The following PTPRK variants were observed in gnomAD, a reference collection of about 807,000 sequenced individuals.
The protein encoded by PTPRK is receptor-type tyrosine-protein phosphatase kappa.
In PTPRK, 75 loss-of-function variants were observed where a neutral mutation model predicts 178.0. That is an observed-to-expected ratio of 0.42 (90% CI 0.35 to 0.51). The LOEUF (loss-of-function observed/expected upper bound fraction) is 0.51, where lower values mean the gene tolerates loss of function less well. Ranked by LOEUF, PTPRK falls within the 20% of genes least tolerant of loss-of-function variation. The pLI, the probability that PTPRK is intolerant of heterozygous loss-of-function variation, is 0.02. For synonymous variants in PTPRK, 637 were observed against 620.6 expected (o/e 1.03, Z -0.39); for missense variants, 1,441 against 1,797.8 (o/e 0.80, Z 3.59).
At chr6:128,272,969 T>A (rs1820101586) in intron 3 of PTPRK, among the ~76,000 whole-genome samples, 1 of 152,204 alleles carries the variant, frequency 6.6e-6, no homozygotes, top group Admixed American at 6.5e-5. Flanking sequence ...CAAATGTCCA[T>A]CAATGATAGA....
chr6:128,115,211 T>G (rs1188751073), intron 7 of PTPRK, among the ~76,000 whole-genome samples: 1 of 152,156 alleles, frequency 6.6e-6, no homozygotes, highest in Non-Finnish European at 1.5e-5. Flanking sequence ...CATACCTGAC[T>G]GGACACAGTC....
At chr6:128,168,424 A>G (rs1374649057) in intron 7 of PTPRK, among the ~76,000 whole-genome samples, 1 of 152,068 alleles carries the variant, frequency 6.6e-6, no homozygotes, top group African/African-American at 2.4e-5. Context: ...TTGTGGAGAT[A>G]TCTGTACTCC....
chr6:128,261,726 C>T (rs1262802046), intron 3 of PTPRK, among the ~76,000 whole-genome samples: 1 of 149,190 alleles, frequency 6.7e-6, no homozygotes, highest in Non-Finnish European at 1.5e-5. Flanking sequence ...TTAATAATTG[C>T]ATCTGGCTAG....
chr6:128,238,185 C>CAAAAAAAAAAAAAAAA (rs58051125), intron 5 of PTPRK: 115 of 206,298 alleles, frequency 5.6e-4, no homozygotes, highest in South Asian at 8.8e-4. Context: ...TAGCAAACGC[C>CAAAAAAAAAAAAAAAA]AAAAAAAAAA....
chr6:128,193,141 G>A (rs1045348393), intron 6 of PTPRK, among the ~76,000 whole-genome samples: 13 of 151,876 alleles, frequency 8.6e-5, no homozygotes, highest in African/African-American at 2.4e-4. Flanking sequence ...GATGTAGCAA[G>A]CCAAATGCCC....
intron 1 of PTPRK, among the ~76,000 whole-genome samples, chr6:128,509,217 C>T (rs1856818746): frequency 6.6e-6 from 1 of 152,094 alleles, no homozygotes; most frequent in African/African-American, 2.4e-5. Flanking sequence ...CAGACGTCTA[C>T]CGGGCACCTT....
intron 1 of PTPRK, among the ~76,000 whole-genome samples, chr6:128,515,142 T>C (rs1400441904): frequency 2.0e-5 from 3 of 152,184 alleles, no homozygotes; most frequent in Non-Finnish European, 4.4e-5. Flanking sequence ...ATCTCACTTA[T>C]CTCAAAATAT....
Position 128,280,245 on chromosome 6 carries a change from C to T in PTPRK, c.496-37643G>A, listed in dbSNP as rs1195911105. On this transcript the variant is annotated intron_variant, in intron 3 of 29. Coordinates refer to ENST00000368226, the MANE Select transcript of PTPRK (RefSeq NM_002844.4). Reference sequence around the variant, plus strand: ...AACCAGGTATCCTACGCCAGACTCTCCTCAGGACCTGTAAAGTTAGGGACA... The same window carrying T: ...AACCAGGTATCCTACGCCAGACTCTTCTCAGGACCTGTAAAGTTAGGGACA... 2.0e-5 allele frequency among the ~76,000 whole-genome samples: 3 copies of T among 152,140 alleles called. No individual in the cohort carries two copies. The East Asian group carries it at 5.8e-4, about 29-fold the overall frequency.
At chr6:128,159,401 G>A (rs529547589) in intron 7 of PTPRK, among the ~76,000 whole-genome samples, 1 of 151,776 alleles carries the variant, frequency 6.6e-6, no homozygotes, top group South Asian at 2.1e-4. Flanking sequence ...TCACCTTCTG[G>A]TTTATTTCCC....
chr6:127,990,851 T>A lies in PTPRK; in HGVS notation c.3014A>T (p.Glu1005Val). The A allele has an allele frequency of 6.2e-7, 1 of 1,610,642 alleles. No homozygotes were observed. Among genetic ancestry groups the A allele is most frequent in the Non-Finnish European group, 8.5e-7 (1 of 1,177,254 alleles). The change falls in exon 21 of 30, where the codon GAA (glutamate) becomes GTA (valine). Residue 1005 changes from glutamate to valine, a missense_variant. Glu to Val is a moderately radical substitution (Grantham distance 121). Transcript: ENST00000368226. ...CGTTACTTTGAAGTCACCATAAACT[T>A]CAGTATCATCAGGCCAATATTTATA... is the stretch of plus-strand genomic sequence containing the variant. ...KCYKYWPDDTEVYGDFKVTCV... is the reference protein window; with the variant it reads ...KCYKYWPDDTVVYGDFKVTCV...
At chr6:128,000,369 T>C (rs768122134) in intron 15 of PTPRK, 3 of 1,219,908 alleles carry the variant, frequency 2.5e-6, no homozygotes, top group East Asian at 1.1e-4. Flanking sequence ...ACAATCAGAT[T>C]TGTGTGCCTC....
chr6:128,128,576 G>C (rs1400417882), intron 7 of PTPRK, among the ~76,000 whole-genome samples: 20 of 152,204 alleles, frequency 1.3e-4, no homozygotes. Flanking sequence ...TCTCAAAAGA[G>C]AGTACTTGTG....
intron 22 of PTPRK, among the ~76,000 whole-genome samples, chr6:127,985,344 T>G (rs1775827374): frequency 6.6e-6 from 1 of 152,182 alleles, no homozygotes; most frequent in East Asian, 1.9e-4. Context: ...TGAAATTTAG[T>G]TTTAAAGCTG....
intron 1 of PTPRK, among the ~76,000 whole-genome samples, chr6:128,427,603 G>A (rs901462199): frequency 4.6e-5 from 7 of 152,122 alleles, no homozygotes; most frequent in Non-Finnish European, 8.8e-5. Flanking sequence ...ACTTTTTTAT[G>A]ATTCAATTAA....
At chr6:128,273,003 T>C (rs558173223) in intron 3 of PTPRK, among the ~76,000 whole-genome samples, 1 of 152,196 alleles carries the variant, frequency 6.6e-6, no homozygotes, top group Non-Finnish European at 1.5e-5. Flanking sequence ...ATGTGGCACA[T>C]ATACACCATT....
intron 7 of PTPRK, among the ~76,000 whole-genome samples, chr6:128,166,537 T>G (rs2114626262): frequency 6.6e-6 from 1 of 151,840 alleles, no homozygotes; most frequent in Middle Eastern, 3.4e-3. Flanking sequence ...ATGTTATGAG[T>G]GGCTGGTAAG....
intron 7 of PTPRK, among the ~76,000 whole-genome samples, chr6:128,169,501 C>T (rs962445864): frequency 4.6e-5 from 7 of 151,646 alleles, no homozygotes; most frequent in Non-Finnish European, 7.4e-5. Context: ...TTATTTTTAC[C>T]AATGAAATGA....
chr6:128,370,186 CT>C, intron 2 of PTPRK, among the ~76,000 whole-genome samples: 1 of 152,124 alleles, frequency 6.6e-6, no homozygotes, highest in East Asian at 1.9e-4. Flanking sequence ...ACGATAATAG[CT>C]TGTGCATATT....
At chr6:128,332,088 G>A (rs147669162) in intron 2 of PTPRK, among the ~76,000 whole-genome samples, 27 of 152,086 alleles carry the variant, frequency 1.8e-4, no homozygotes, top group Non-Finnish European at 3.2e-4. Flanking sequence ...GAATTTACCC[G>A]CTACACTACA....
Sources: gnomAD v4.1 joint callset for allele counts (sites outside exome capture counted in the v4.1 genomes callset) on GRCh38, gnomAD v4.1.1 for gene constraint, MANE v1.5 for transcripts, NCBI Gene and HGNC (gene_info 2026-07-23, HGNC 2026-07-21) for gene names.